ERCC8: variants seen among roughly 807,000 people sequenced by gnomAD.
ERCC8 encodes ERCC excision repair 8, CSA ubiquitin ligase complex subunit, also known as DNA excision repair protein ERCC-8.
A neutral mutation model predicts 54.9 loss-of-function variants in ERCC8; 52 were observed. That is an observed-to-expected ratio of 0.95 (90% CI 0.76 to 1.19). ERCC8 has a LOEUF of 1.19. ERCC8 is among the 50% of genes most tolerant of loss of function. The pLI is 0.00. For missense variants in ERCC8, 514 were observed against 466.1 expected (o/e 1.10, Z -0.95); for synonymous variants, 146 against 157.2 (o/e 0.93, Z 0.53).
intron 11 of ERCC8, 106 bp downstream of exon 11, chr5:60,887,334 A>G: frequency 1.1e-6 from 1 of 945,064 alleles, no homozygotes; most frequent in Non-Finnish European, 1.7e-6. Flanking sequence ...CTATAGGTGC[A>G]TGCCACTGGC....
At position 60,929,348 on chromosome 5, in the gene ERCC8, C is replaced by A. The variant is rs4647062; in HGVS notation, c.78-389G>T. Among the ~76,000 whole-genome samples the A allele has an allele frequency of 2.8e-3, 425 of 152,102 alleles. 2 individuals carry two copies. Among genetic ancestry groups the A allele is most frequent in the African/African-American group, 9.8e-3 (405 of 41,494 alleles). ...CAGTGGCTCATGCCTGTAATCCTAGCGCTTTGGGAGGCTGAGGTGAGAAGA... is the reference window on the plus strand; with the variant it reads ...CAGTGGCTCATGCCTGTAATCCTAGAGCTTTGGGAGGCTGAGGTGAGAAGA... On this transcript the variant is annotated intron_variant, in intron 1 of 11. Transcript: ENST00000676185.
At chr5:60,942,043 G>A (rs1246456543) in intron 1 of ERCC8, among the ~76,000 whole-genome samples, 1 of 152,076 alleles carries the variant, frequency 6.6e-6, no homozygotes, top group East Asian at 1.9e-4. Flanking sequence ...ATGATCCGAA[G>A]TAGACAACGA....
chr5:60,892,524 G>A, intron 9 of ERCC8: 3 of 609,918 alleles, frequency 4.9e-6, no homozygotes, highest in Non-Finnish European at 9.5e-6. Context: ...AGTTTTGGCT[G>A]CCTGCTCCTG....
Position 60,918,256 on chromosome 5 carries a change from T to C in ERCC8, c.399+9A>G, listed in dbSNP as rs1172624528. 1 of 1,585,490 alleles carries C rather than the reference T, an allele frequency of 6.3e-7. No homozygotes were observed. Among genetic ancestry groups the C allele is most frequent in the East Asian group, 2.2e-5 (1 of 44,708 alleles). On this transcript the variant is annotated intron_variant, in intron 4 of 11. Coordinates refer to ENST00000676185, the MANE Select transcript of ERCC8 (RefSeq NM_000082.4). ...ACAAAGCAATCTGCAAATGTTTTAA[T>C]GTACTTACTTGTAATGTATTTGTAT...
In ERCC8 at chr5:60,892,899, A is replaced by G. The variant is rs938532008; in HGVS notation, c.844-1813T>C. 12 of 724,886 alleles carry G rather than the reference A, an allele frequency of 1.7e-5. No individual in the cohort carries two copies. In the African/African-American group the frequency reaches 2.1e-4, roughly 13 times the overall value. 44.9% of individuals were successfully genotyped at this position (724,886 alleles called of 1,614,324 possible). A position where few individuals can be genotyped will look rare whatever the true frequency, so the allele number is the denominator to read the frequency against. On this transcript the variant is annotated intron_variant, in intron 9 of 11. Transcript: ENST00000676185. ...TTTCCCAATATTGGGAAGGCCTACA[A>G]TGTCCATATGGATGTGGGTGCGCAT...
At chr5:60,918,099 C>T in intron 4 of ERCC8, 166 bp downstream of exon 4, 1 of 616,356 alleles carries the variant, frequency 1.6e-6, no homozygotes, top group South Asian at 1.8e-5. Flanking sequence ...CAGCTGTCAG[C>T]AGCACAGCCA....
chr5:60,896,219 A>G (rs1234365426), intron 9 of ERCC8, among the ~76,000 whole-genome samples: 1 of 135,814 alleles, frequency 7.4e-6, no homozygotes, highest in Non-Finnish European at 1.6e-5. Context: ...TCATATTAAT[A>G]TTTCTTTTTT....
chr5:60,885,906 T>C (rs1297430473), intron 11 of ERCC8, among the ~76,000 whole-genome samples: 1 of 152,152 alleles, frequency 6.6e-6, no homozygotes, highest in Admixed American at 6.5e-5. Context: ...AAACACAGTA[T>C]ATGAAAAATG....
intron 11 of ERCC8, among the ~76,000 whole-genome samples, chr5:60,878,683 G>T (rs1033418705): frequency 6.6e-6 from 1 of 152,092 alleles, no homozygotes; most frequent in Non-Finnish European, 1.5e-5. Context: ...TATTCTGATG[G>T]TAGTTTGTAT....
intron 11 of ERCC8, among the ~76,000 whole-genome samples, chr5:60,884,523 G>GTTTTTTTGTGT (rs1748338469): frequency 7.8e-6 from 1 of 128,128 alleles, no homozygotes; most frequent in African/African-American, 2.9e-5. Context: ...GTGTGTATGT[G>GTTTTTTTGTGT]TTTTTTTTTT....
chr5:60,899,977 CTT>C (rs1285615421), intron 7 of ERCC8, among the ~76,000 whole-genome samples: 1 of 151,656 alleles, frequency 6.6e-6, no homozygotes, highest in African/African-American at 2.4e-5. Flanking sequence ...AATTTTGCTG[CTT>C]TTTATATTGT....
chr5:60,943,181 G>T (rs1011294020), intron 1 of ERCC8, among the ~76,000 whole-genome samples: 1 of 152,050 alleles, frequency 6.6e-6, no homozygotes, highest in African/African-American at 2.4e-5. Context: ...TGAGATGGGA[G>T]GATCATTTGA....
rs780622875 is a variant in ERCC8 at position 60,928,922 on chromosome 5, C to T, written c.115G>A (p.Glu39Lys). 6 of 1,608,816 alleles carry T rather than the reference C, an allele frequency of 3.7e-6. No individual in the cohort carries two copies. The highest frequency in any genetic ancestry group is 4.3e-6 in the Non-Finnish European group (5 of 1,176,224). The change falls in exon 2 of 12, where the codon GAA (glutamate) becomes AAA (lysine). Residue 39 changes from glutamate (E) to lysine (K), a missense_variant. Physicochemically the swap from Glu to Lys is moderately conservative, Grantham distance 56. Transcript: ENST00000676185. ...GLELNKDRDV[E>K]RIHGGGINTL... ...TTAATTCCACCGCCGTGGATTCTTT[C>T]AACATCTCTGTCTTTATTTAATTCC...
intron 4 of ERCC8, among the ~76,000 whole-genome samples, chr5:60,917,266 G>A (rs1749463105): frequency 6.6e-6 from 1 of 151,618 alleles, no homozygotes; most frequent in African/African-American, 2.4e-5. Context: ...GAGAAGGGAA[G>A]AGTTGCAAGG....
At chr5:60,919,310 C>A (rs1040801777) in intron 3 of ERCC8, 1 of 151,916 alleles carries the variant, frequency 6.6e-6, no homozygotes, top group Non-Finnish European at 1.5e-5. Flanking sequence ...GTTGGTGAAG[C>A]TGGGTGATTG....
rs147517431 is a variant in ERCC8, at chr5:60,875,739, C to A, written c.1123-1056G>T. Among the ~76,000 whole-genome samples, 166 of 152,186 alleles carry A rather than the reference C, an allele frequency of 1.1e-3. 1 individual carries two copies. The highest frequency in any genetic ancestry group is 3.4e-3 in the Middle Eastern group (1 of 294). On this transcript the variant is annotated intron_variant, in intron 11 of 11. Coordinates refer to ENST00000676185, the MANE Select transcript of ERCC8 (RefSeq NM_000082.4). Reference sequence around the variant, plus strand: ...TGAGACAGAATCTCACACTGTCGCCCGGGCTGGAGTGCAGTGGCGCGATCT... The same window carrying A: ...TGAGACAGAATCTCACACTGTCGCCAGGGCTGGAGTGCAGTGGCGCGATCT...
rs1043679457 is a variant in ERCC8, at chr5:60,927,745, C to T, written c.173+1119G>A. Among the ~76,000 whole-genome samples the T allele has an allele frequency of 6.6e-6, 1 of 152,216 alleles. No homozygotes were observed. The highest frequency in any genetic ancestry group is 1.9e-4 in the East Asian group (1 of 5,182). On this transcript the variant is annotated intron_variant, in intron 2 of 11. Transcript: ENST00000676185. The stretch of plus-strand genomic sequence containing the variant: ...GCATGTTTCATAAGTGAGTGCCCCC[C>T]CAGCTGTCCTTGAATAGAAGGTGTT...
Position 60,874,824 on chromosome 5 carries a change from G to C in ERCC8, c.1123-141C>G, listed in dbSNP as rs985350444. 5.5e-5 allele frequency: 40 copies of C among 722,668 alleles called. No individual in the cohort carries two copies. The East Asian group carries it at 1.1e-3, about 19-fold the overall frequency. 44.8% of individuals were successfully genotyped at this position (722,668 alleles called of 1,614,324 possible). ...AGAAAATGTATAACTGTTAATTTCA[G>C]AACAAAAATAAGAAACAACCCATAT... On this transcript the variant is annotated intron_variant, in intron 11 of 11. Transcript: ENST00000676185.
In ERCC8 at chr5:60,899,717, T is replaced by C. The variant is rs1318404586; in HGVS notation, c.628A>G (p.Arg210Gly). 6.2e-7 allele frequency: 1 copy of C among 1,609,586 alleles called. No homozygotes were observed. The highest frequency in any genetic ancestry group is 8.5e-7 in the Non-Finnish European group (1 of 1,176,590). Reference sequence around the variant, plus strand: ...CTTCTCACATCCCATAATTTTACTCTACTGTCAGCACTGAGAAGAAATAAA... The same window carrying C: ...CTTCTCACATCCCATAATTTTACTCCACTGTCAGCACTGAGAAGAAATAAA... ...YILATASADS[R>G]VKLWDVRRAS... The change falls in exon 8 of 12, where the codon AGA becomes GGA. Residue 210 changes from arginine to glycine, a missense_variant. Transcript: ENST00000676185.
Sources: allele counts gnomAD v4.1 joint callset (sites outside exome capture counted in the v4.1 genomes callset), GRCh38; gene constraint gnomAD v4.1.1; transcripts MANE v1.5; gene names NCBI Gene and HGNC (gene_info 2026-07-23, HGNC 2026-07-21).